The following FRMPD4 variants were observed in gnomAD, a reference collection of about 807,000 sequenced individuals.
The protein encoded by FRMPD4 is FERM and PDZ domain-containing protein 4.
In FRMPD4, 22 loss-of-function variants were observed where a neutral mutation model predicts 94.1. The ratio of observed to expected loss-of-function variants is 0.23; its 90% CI spans 0.17 to 0.33. The LOEUF is 0.33. FRMPD4 is among the 10% of genes least tolerant of loss of function. The pLI, the probability that FRMPD4 is intolerant of heterozygous loss-of-function variation, is 1.00. For synonymous variants in FRMPD4, 631 were observed against 548.6 expected, an observed-to-expected ratio of 1.15 and a Z score of -2.10; for missense variants, 1,111 against 1,339.9, an observed-to-expected ratio of 0.83 and a Z score of 2.67.
chrX:12,523,268 T>C, intron 2 of FRMPD4, among the ~76,000 whole-genome samples: 1 of 111,917 alleles, frequency 8.9e-6, no homozygotes, highest in Middle Eastern at 4.6e-3. Context: ...GTTAGAACTA[T>C]TTATAAGATA....
At chrX:12,489,937 A>G (rs1374706565) in intron 1 of FRMPD4, among the ~76,000 whole-genome samples, 4 of 111,538 alleles carry the variant, frequency 3.6e-5, no homozygotes, top group African/African-American at 9.8e-5. Flanking sequence ...TATAAGTCCC[A>G]TAAGTGTCCA....
At chrX:12,185,820 AT>A (rs1422770170) in intron 1 of FRMPD4, among the ~76,000 whole-genome samples, 2 of 111,605 alleles carry the variant, frequency 1.8e-5, no homozygotes, top group East Asian at 5.7e-4. Context: ...ACCGGAAATC[AT>A]TACATTTTGG....
chrX:12,082,384 T>C lies in FRMPD4; in HGVS notation c.95+204366T>C, dbSNP rs141808320. On this transcript the variant is annotated intron_variant, in intron 3 of 18. Transcript: ENST00000640291. ...CCTCATTTTTCTCTTGCTACTACCA[T>C]GTAAGAAGTGCCTTTTGCCTCTTGC... Among the ~76,000 whole-genome samples, 1,056 of 112,078 alleles carry C rather than the reference T, an allele frequency of 9.4e-3. 4 individuals are homozygous for C. Among genetic ancestry groups the C allele is most frequent in the Non-Finnish European group, 0.016 (853 of 53,218 alleles).
At chrX:12,349,074 G>A (rs1452720112) in intron 1 of FRMPD4, among the ~76,000 whole-genome samples, 1 of 111,374 alleles carries the variant, frequency 9.0e-6, no homozygotes, top group African/African-American at 3.3e-5. Flanking sequence ...TAGGCTTTGG[G>A]TGTGGGTGTC....
chrX:12,646,964 G>GT (rs2059553373), intron 4 of FRMPD4, among the ~76,000 whole-genome samples: 1 of 111,855 alleles, frequency 8.9e-6, no homozygotes, highest in Non-Finnish European at 1.9e-5. Flanking sequence ...CTAACCCCTA[G>GT]GAACAACTGG....
intron 3 of FRMPD4, among the ~76,000 whole-genome samples, chrX:11,910,767 A>G (rs1413341139): frequency 8.9e-6 from 1 of 112,187 alleles, no homozygotes. Flanking sequence ...AGCCTTCTTC[A>G]TAGGTATGTG....
chrX:12,463,608 T>A (rs1003036002), intron 1 of FRMPD4, among the ~76,000 whole-genome samples: 2 of 108,918 alleles, frequency 1.8e-5, no homozygotes, highest in African/African-American at 6.7e-5. Flanking sequence ...GTGGATCACA[T>A]CTTATCATGC....
At chrX:12,302,757 C>T (rs2054879871) in intron 1 of FRMPD4, among the ~76,000 whole-genome samples, 1 of 111,831 alleles carries the variant, frequency 8.9e-6, no homozygotes, top group African/African-American at 3.2e-5. Flanking sequence ...TAAGAAGACC[C>T]CAACTCTCAT....
At chrX:12,270,715 C>T (rs748656183) in intron 1 of FRMPD4, among the ~76,000 whole-genome samples, 15 of 111,473 alleles carry the variant, frequency 1.3e-4, no homozygotes, top group Non-Finnish European at 2.1e-4. Flanking sequence ...ACATTTCTAT[C>T]GTATTCACTT....
chrX:12,448,942 G>A (rs756749677), intron 1 of FRMPD4, among the ~76,000 whole-genome samples: 4 of 111,399 alleles, frequency 3.6e-5, no homozygotes, highest in South Asian at 3.8e-4. Context: ...TTAGGATCCC[G>A]CTTGAACAGC....
At chrX:12,356,868 G>C (rs954314094) in intron 1 of FRMPD4, among the ~76,000 whole-genome samples, 3 of 111,760 alleles carry the variant, frequency 2.7e-5, no homozygotes, top group African/African-American at 9.7e-5. Context: ...GCCCAAGAGA[G>C]AAGATACTCT....
intron 1 of FRMPD4, among the ~76,000 whole-genome samples, chrX:12,204,390 G>A (rs1213005823): frequency 8.9e-6 from 1 of 112,032 alleles, no homozygotes; most frequent in Non-Finnish European, 1.9e-5. Flanking sequence ...CTGCCCTCAG[G>A]TACCCTTGGA....
intron 1 of FRMPD4, among the ~76,000 whole-genome samples, chrX:12,399,249 C>T (rs5935325): frequency 0.3 from 32,971 of 110,640 alleles, 3,939 homozygotes; most frequent in African/African-American, 0.37. Context: ...CTGGGGTATA[C>T]TTAGTACTTA....
chrX:12,367,581 G>A (rs2056103059), intron 1 of FRMPD4, among the ~76,000 whole-genome samples: 1 of 111,618 alleles, frequency 9.0e-6, no homozygotes, highest in African/African-American at 3.3e-5. Context: ...TCCAGTTACG[G>A]GGCCGCTGCA....
chrX:12,338,752 CATT>C (rs1338203239), intron 1 of FRMPD4, among the ~76,000 whole-genome samples: 1 of 112,239 alleles, frequency 8.9e-6, no homozygotes, highest in Non-Finnish European at 1.9e-5. Flanking sequence ...CAAGTAGCAT[CATT>C]ATTGCCTTTT....
At position 12,359,687 on chromosome X, in the gene FRMPD4, C is replaced by T. The variant is rs2055954051; in HGVS notation, c.42-138993C>T. ...GTTTCACTATGTTGGTCAGGCTGGT[C>T]TTGAACTCCCGACCTCATGATCCAC... On this transcript the variant is annotated intron_variant, in intron 1 of 16. Transcript: ENST00000675598. Among the ~76,000 whole-genome samples the T allele has an allele frequency of 2.7e-5, 3 of 111,049 alleles. No individual in the cohort carries two copies. In the South Asian group the frequency reaches 1.1e-3, roughly 42 times the overall value.
At chrX:12,479,979 A>G (rs1267853375) in intron 1 of FRMPD4, among the ~76,000 whole-genome samples, 2 of 110,881 alleles carry the variant, frequency 1.8e-5, no homozygotes, top group Admixed American at 1.9e-4. Flanking sequence ...CATTTTGATC[A>G]TTATGACTAT....
At chrX:12,556,987 T>C (rs966129176) in intron 2 of FRMPD4, among the ~76,000 whole-genome samples, 4 of 111,818 alleles carry the variant, frequency 3.6e-5, no homozygotes, top group African/African-American at 1.3e-4. Context: ...GTATTTTCGG[T>C]AGACATGAGA....
At chrX:11,843,795 T>C (rs114197013) in intron 1 of FRMPD4, among the ~76,000 whole-genome samples, 2,934 of 110,192 alleles carry the variant, frequency 0.027, 97 homozygotes, top group African/African-American at 0.091. Context: ...AGGTAATTCT[T>C]CTGCCTTGGC....
Sources: allele counts gnomAD v4.1 joint callset (sites outside exome capture counted in the v4.1 genomes callset), GRCh38; gene constraint gnomAD v4.1.1; transcripts MANE v1.5; gene names NCBI Gene and HGNC (gene_info 2026-07-23, HGNC 2026-07-21).